Variants in SYTL2 observed in about 807,000 individuals in gnomAD.
SYTL2 encodes synaptotagmin like 2.
SYTL2 carries 165 observed loss-of-function variants against 198.7 expected under a neutral mutation model. The observed-to-expected ratio is 0.83, with a 90% CI of 0.73 to 0.94. The LOEUF (loss-of-function observed/expected upper bound fraction) is 0.94, where lower values mean the gene tolerates loss of function less well. Among genes scored for constraint, SYTL2 ranks in the 40% least tolerant of loss-of-function variants. The pLI, the probability that SYTL2 is intolerant of heterozygous loss-of-function variation, is 0.00. For missense variants in SYTL2, 2,835 were observed against 2,582.8 expected, an observed-to-expected ratio of 1.10 and a Z score of -2.12; for synonymous variants, 966 against 917.7, an observed-to-expected ratio of 1.05 and a Z score of -0.95.
At chr11:85,839,486 A>G in the SYTL2 span, among the ~76,000 whole-genome samples, 1 of 152,154 alleles carries the variant, frequency 6.6e-6, no homozygotes, top group Admixed American at 6.5e-5. Flanking sequence ...TTGAACTCTC[A>G]TGAGTTCAAT....
At chr11:85,796,491 T>C (rs2153637306) in intron 1 of SYTL2, among the ~76,000 whole-genome samples, 1 of 152,340 alleles carries the variant, frequency 6.6e-6, no homozygotes, top group Middle Eastern at 3.4e-3. Flanking sequence ...GTGATATTTT[T>C]AGGACTCTGA....
the SYTL2 span, among the ~76,000 whole-genome samples, chr11:85,825,423 A>T: frequency 4.1e-4 from 61 of 149,656 alleles, no homozygotes; most frequent in African/African-American, 1.4e-3. Flanking sequence ...AGGTTGAGTT[A>T]TAGAGGGAAG....
chr11:85,853,523 C>T, the SYTL2 span: 3,782 of 240,120 alleles, frequency 0.016, 65 homozygotes, highest in Non-Finnish European at 0.024. Context: ...ACAAACACTG[C>T]GGAAGGCCAC....
At chr11:85,750,702 G>T (rs1189694562) in intron 2 of SYTL2, among the ~76,000 whole-genome samples, 3 of 152,078 alleles carry the variant, frequency 2.0e-5, no homozygotes, top group Non-Finnish European at 2.9e-5. Context: ...ACAAATAAAC[G>T]CTCAGCAGCC....
At position 85,796,703 on chromosome 11, in the gene SYTL2, A is replaced by G. The variant is rs142711984; in HGVS notation, c.-390+14251T>C. On this transcript the variant is annotated intron_variant, in intron 1 of 19. Coordinates refer to ENST00000359152, the MANE Select transcript of SYTL2 (RefSeq NM_206927.4). ...TCCCAAATGCAGCTTCTAAAAAGAA[A>G]GATCAACTGTTTCCCCACAATCTAT... 2.4e-3 allele frequency among the ~76,000 whole-genome samples: 362 copies of G among 152,346 alleles called. 10 individuals carry two copies. In the East Asian group the frequency reaches 0.058, roughly 24 times the overall value.
chr11:85,817,380 T>A, the SYTL2 span, among the ~76,000 whole-genome samples: 4,167 of 152,308 alleles, frequency 0.027, 81 homozygotes, highest in Non-Finnish European at 0.043. Context: ...TAGTCTAGAT[T>A]GAGACGTACT....
chr11:85,707,617 C>T (rs899750220), intron 14 of SYTL2, 86 bp from the exon 15 acceptor site: 5 of 864,050 alleles, frequency 5.8e-6, no homozygotes, highest in African/African-American at 5.1e-5. Flanking sequence ...TGAAAACTGA[C>T]AGCAGAAATA....
At chr11:85,787,065 A>G (rs902465962) in intron 1 of SYTL2, among the ~76,000 whole-genome samples, 1 of 152,216 alleles carries the variant, frequency 6.6e-6, no homozygotes, top group African/African-American at 2.4e-5. Context: ...TCAAAAGGTC[A>G]GCAATAGGTG....
At chr11:85,754,917 T>G (rs2091768570) in intron 2 of SYTL2, among the ~76,000 whole-genome samples, 1 of 152,138 alleles carries the variant, frequency 6.6e-6, no homozygotes, top group African/African-American at 2.4e-5. Context: ...CCCAAGAGAT[T>G]TCTCATCATG....
At chr11:85,809,265 C>A (rs548641965) in intron 1 of SYTL2, among the ~76,000 whole-genome samples, 3 of 152,184 alleles carry the variant, frequency 2.0e-5, no homozygotes, top group Non-Finnish European at 4.4e-5. Flanking sequence ...TCATTAGACC[C>A]CAAACCACCT....
At chr11:85,812,907 T>C (rs1444363653), upstream of SYTL2, among the ~76,000 whole-genome samples, 1 of 152,166 alleles carries the variant, frequency 6.6e-6, no homozygotes, top group Non-Finnish European at 1.5e-5. Flanking sequence ...TACTTCACTT[T>C]TATTGTTGAT....
At chr11:85,794,249 G>A (rs747997475) in intron 1 of SYTL2, among the ~76,000 whole-genome samples, 2 of 152,038 alleles carry the variant, frequency 1.3e-5, no homozygotes, top group Non-Finnish European at 2.9e-5. Flanking sequence ...CACAGTTATG[G>A]CTCACTGTAA....
At position 85,748,394 on chromosome 11, in the gene SYTL2, T is replaced by G; in HGVS notation, c.131A>C (p.Gln44Pro). The change falls in exon 3 of 20, where the codon CAG (glutamine) becomes CCG (proline). Residue 44 changes from glutamine (Q) to proline (P), a missense_variant. Transcript: ENST00000359152. ...RHLPEKIKDDQQLKNMSGQWF... is the reference protein window; with the variant it reads ...RHLPEKIKDDPQLKNMSGQWF... ...TTGGCCACTCATATTCTTCAGCTGC[T>G]GGTCATCCTTAATTTTTTCAGGCAA... The G allele has an allele frequency of 1.2e-6, 2 of 1,614,026 alleles. No homozygotes were observed. The highest frequency in any genetic ancestry group is 1.7e-6 in the Non-Finnish European group (2 of 1,179,924).
At chr11:85,739,282 T>C (rs1426223524) in intron 4 of SYTL2, among the ~76,000 whole-genome samples, 1 of 149,018 alleles carries the variant, frequency 6.7e-6, no homozygotes, top group East Asian at 2.0e-4. Flanking sequence ...TTAATCCATG[T>C]TATTTGCAAA....
intron 11 of SYTL2, 23 bp downstream of exon 11, chr11:85,717,460 G>C (rs765559331): frequency 1.4e-5 from 23 of 1,603,572 alleles, no homozygotes; most frequent in Non-Finnish European, 1.9e-5. Flanking sequence ...TTAGTCATTT[G>C]TGAGAAAGAT....
chr11:85,722,902 T>C (rs2088570756), intron 8 of SYTL2, among the ~76,000 whole-genome samples: 1 of 152,158 alleles, frequency 6.6e-6, no homozygotes, highest in Non-Finnish European at 1.5e-5. Flanking sequence ...AGAGACCCTA[T>C]AGCTACTTAC....
chr11:85,839,988 AGAT>A, the SYTL2 span, among the ~76,000 whole-genome samples: 23 of 152,328 alleles, frequency 1.5e-4, no homozygotes, highest in Non-Finnish European at 5.9e-5. Flanking sequence ...TAACAGGGTG[AGAT>A]GATGATATCT....
intron 1 of SYTL2, among the ~76,000 whole-genome samples, chr11:85,775,913 G>C (rs2092443529): frequency 6.6e-6 from 1 of 152,198 alleles, no homozygotes; most frequent in Non-Finnish European, 1.5e-5. Context: ...TGGGTGCTAT[G>C]GTTTGGATGT....
In SYTL2 at chr11:85,727,600, CA is replaced by C. The variant is rs879481546; in HGVS notation, c.1757del (p.Val586GlyfsTer24). On this transcript the variant is annotated frameshift_variant, in exon 8 of 20. Coordinates refer to ENST00000359152, the MANE Select transcript of SYTL2 (RefSeq NM_206927.4). LOFTEE classifies it high-confidence loss of function. ...CTGCTTGGAATGGTGAGTCAGATCT[CA>C]CAGGCTTCAATTCAATTTTGCTGGG... is the stretch of plus-strand genomic sequence containing the variant. The part of the protein sequence containing the change: ...LSPSKIELKP[V>X]RSDSPFQAEG... 1 of 1,536,024 alleles carries C rather than the reference CA, an allele frequency of 6.5e-7. No homozygotes were observed. Among genetic ancestry groups the C allele is most frequent in the Non-Finnish European group, 8.7e-7 (1 of 1,146,862 alleles).
Sources: gnomAD v4.1 joint callset for allele counts (sites outside exome capture counted in the v4.1 genomes callset) on GRCh38, gnomAD v4.1.1 for gene constraint, MANE v1.5 for transcripts, NCBI Gene and HGNC (gene_info 2026-07-23, HGNC 2026-07-21) for gene names.